Variants in KCMF1 observed in about 807,000 individuals in gnomAD.
The protein encoded by KCMF1 is E3 ubiquitin-protein ligase KCMF1.
In KCMF1, 3 loss-of-function variants were observed where a neutral mutation model predicts 41.1. The observed-to-expected ratio is 0.07, with a 90% CI of 0.03 to 0.19. The LOEUF (loss-of-function observed/expected upper bound fraction) is 0.19, where lower values mean the gene tolerates loss of function less well. Among genes scored for constraint, KCMF1 ranks in the 10% least tolerant of loss-of-function variants. KCMF1 has a pLI of 1.00. For missense variants in KCMF1, 286 were observed against 488.9 expected, an observed-to-expected ratio of 0.58 and a Z score of 3.91; for synonymous variants, 142 against 164.5, an observed-to-expected ratio of 0.86 and a Z score of 1.04.
rs199685963 is a variant in KCMF1 at position 85,021,620 on chromosome 2, A to AC, written c.17-6269_17-6268insC. ...CTGGGCAACAGAGCGAGACTGTCAC[A>AC]AAAAAAAAAAATCTTACTGCATCTG... On this transcript the variant is annotated intron_variant, in intron 1 of 6. Coordinates refer to ENST00000409785, the MANE Select transcript of KCMF1 (RefSeq NM_020122.5). 2.8e-3 allele frequency among the ~76,000 whole-genome samples: 347 copies of AC among 124,498 alleles called. 3 individuals are homozygous for AC. Among genetic ancestry groups the AC allele is most frequent in the African/African-American group, 0.01 (334 of 31,970 alleles). 81.7% of individuals were successfully genotyped at this position (124,498 alleles called of 152,430 possible). A position where few individuals can be genotyped will look rare whatever the true frequency, so the allele number is the denominator to read the frequency against.
chr2:85,002,556 A>G (rs913657573), intron 1 of KCMF1, among the ~76,000 whole-genome samples: 1 of 151,974 alleles, frequency 6.6e-6, no homozygotes, highest in Non-Finnish European at 1.5e-5. Flanking sequence ...AAACTAAGAA[A>G]CCAACACTAG....
chr2:85,028,529 G>A (rs910399681), intron 2 of KCMF1, among the ~76,000 whole-genome samples: 9 of 108,682 alleles, frequency 8.3e-5, no homozygotes, highest in Admixed American at 4.3e-4. Context: ...TTACCCTGTC[G>A]CCTAGGCTGG....
chr2:85,035,087 A>G lies in KCMF1; in HGVS notation c.256A>G (p.Met86Val), dbSNP rs1675374946. Residue 86 changes from methionine (M) to valine (V), a missense_variant, in exon 3 of 7, where the codon ATG (methionine) becomes GTG (valine). By Grantham distance (21) the Met-to-Val change is conservative. This residue lies in a region of KCMF1 where 95 missense variants were observed against 209.6 expected (regional missense o/e 0.45). Transcript: ENST00000409785. ...QSFTCPYCGK[M>V]GYTETSLQEH... is the part of the protein sequence containing the mutation. ...TTTTACTTGTCCCTATTGTGGAAAA[A>G]TGGGCTATACGGAGACATCTCTTCA... is the stretch of plus-strand genomic sequence containing the variant. The G allele has an allele frequency of 6.2e-7, 1 of 1,613,344 alleles. No individual in the cohort carries two copies. Among genetic ancestry groups the G allele is most frequent in the African/African-American group, 1.3e-5 (1 of 74,912 alleles).
rs912774509 is a variant in KCMF1, at chr2:85,015,016, C to T, written c.17-12873C>T. ...GTAGAAAACAAGTACTTGTTCAGGG[C>T]CTTCTTTTTCCCCCCTCTACTTTCA... On this transcript the variant is annotated intron_variant, in intron 1 of 6. Transcript: ENST00000409785. Among the ~76,000 whole-genome samples the T allele has an allele frequency of 5.3e-5, 8 of 151,936 alleles. No homozygotes were observed. The South Asian group carries it at 6.3e-4, about 12-fold the overall frequency.
At chr2:85,020,852 T>TA (rs1674915109) in intron 1 of KCMF1, among the ~76,000 whole-genome samples, 1 of 152,258 alleles carries the variant, frequency 6.6e-6, no homozygotes, top group Admixed American at 6.5e-5. Flanking sequence ...CCATAGCACT[T>TA]ACTTCCACCT....
At chr2:85,022,261 C>CA (rs1280895275) in intron 1 of KCMF1, among the ~76,000 whole-genome samples, 1 of 151,984 alleles carries the variant, frequency 6.6e-6, no homozygotes, top group African/African-American at 2.4e-5. Flanking sequence ...TGCTTGAGTC[C>CA]AGGAGTTTGA....
At chr2:85,045,382 G>C (rs1350350189) in intron 4 of KCMF1, among the ~76,000 whole-genome samples, 2 of 152,048 alleles carry the variant, frequency 1.3e-5, no homozygotes, top group African/African-American at 4.8e-5. Flanking sequence ...AAGGCCTCTT[G>C]GAGCTACCCA....
At chr2:85,028,825 T>C (rs1263194276) in intron 2 of KCMF1, among the ~76,000 whole-genome samples, 1 of 152,142 alleles carries the variant, frequency 6.6e-6, no homozygotes, top group Admixed American at 6.5e-5. Flanking sequence ...TCTGTTCATC[T>C]TAATCATAGT....
At chr2:85,006,787 G>A (rs1674481923) in intron 1 of KCMF1, among the ~76,000 whole-genome samples, 1 of 151,458 alleles carries the variant, frequency 6.6e-6, no homozygotes, top group East Asian at 1.9e-4. Flanking sequence ...TAAAACCAAC[G>A]TCCACACATC....
At position 85,055,279 on chromosome 2, in the gene KCMF1, C is replaced by A. The variant is rs866936941; in HGVS notation, c.*1870C>A. 4.7e-4 allele frequency: 72 copies of A among 152,274 alleles called. No individual in the cohort carries two copies. The highest frequency in any genetic ancestry group is 1.6e-3 in the African/African-American group (68 of 41,568). 9.4% of individuals were successfully genotyped at this position (152,274 alleles called of 1,614,324 possible). ...AATTTCTTTGGTGTTAGTGGATTAACCTAACCATTACTCTGAGATTTTATA... is the reference window on the plus strand; with the variant it reads ...AATTTCTTTGGTGTTAGTGGATTAAACTAACCATTACTCTGAGATTTTATA... On this transcript the variant is annotated 3_prime_UTR_variant, in exon 7 of 7. Transcript: ENST00000409785.
intron 1 of KCMF1, among the ~76,000 whole-genome samples, chr2:84,975,465 A>G (rs1285050496): frequency 1.3e-5 from 2 of 152,126 alleles, no homozygotes; most frequent in African/African-American, 4.8e-5. Context: ...CACCATGAGG[A>G]ATGGAAATAA....
chr2:85,056,086 C>T lies in KCMF1; in HGVS notation c.*2677C>T, dbSNP rs1222472503. ...TTTCTGTGGTTGGCTACCGTGAAAT[C>T]TTTGTATTTATATTGCATTGTTTTG... On this transcript the variant is annotated 3_prime_UTR_variant, in exon 7 of 7. Transcript: ENST00000409785. 2 of 150,900 alleles carry T rather than the reference C, an allele frequency of 1.3e-5. No homozygotes were observed. Among genetic ancestry groups the T allele is most frequent in the Non-Finnish European group, 2.9e-5 (2 of 67,868 alleles). 9.3% of individuals were successfully genotyped at this position (150,900 alleles called of 1,614,324 possible). A position where few individuals can be genotyped will look rare whatever the true frequency, so the allele number is the denominator to read the frequency against.
chr2:85,036,715 T>C (rs1675410366), intron 3 of KCMF1, among the ~76,000 whole-genome samples: 1 of 151,598 alleles, frequency 6.6e-6, no homozygotes, highest in Non-Finnish European at 1.5e-5. Flanking sequence ...TTGCTTGAGC[T>C]CAGGAGGTTG....
intron 2 of KCMF1, among the ~76,000 whole-genome samples, chr2:85,029,727 G>C (rs905049662): frequency 6.8e-6 from 1 of 146,184 alleles, no homozygotes; most frequent in African/African-American, 2.5e-5. Flanking sequence ...TGTCGCCTAG[G>C]CTGGAGTGCA....
intron 1 of KCMF1, among the ~76,000 whole-genome samples, chr2:84,980,396 A>G (rs1184416100): frequency 6.6e-6 from 1 of 152,124 alleles, no homozygotes; most frequent in Non-Finnish European, 1.5e-5. Flanking sequence ...GCCTGATGGA[A>G]TGTCTTGAGA....
chr2:85,029,113 G>A (rs1409089153), intron 2 of KCMF1, among the ~76,000 whole-genome samples: 3 of 152,066 alleles, frequency 2.0e-5, no homozygotes, highest in Non-Finnish European at 4.4e-5. Context: ...GAGACTACAG[G>A]TGTGTGCCAC....
intron 2 of KCMF1, among the ~76,000 whole-genome samples, chr2:85,031,596 A>G (rs1675269116): frequency 6.6e-6 from 1 of 152,220 alleles, no homozygotes; most frequent in Admixed American, 6.5e-5. Flanking sequence ...AATGTAGACT[A>G]GGCTAAGCTA....
At chr2:85,033,924 T>A (rs1675346888) in intron 2 of KCMF1, among the ~76,000 whole-genome samples, 1 of 151,870 alleles carries the variant, frequency 6.6e-6, no homozygotes. Flanking sequence ...GGCTCATGCC[T>A]GTAGTCCCAG....
At chr2:85,014,887 T>A (rs1343617756) in intron 1 of KCMF1, among the ~76,000 whole-genome samples, 1 of 151,708 alleles carries the variant, frequency 6.6e-6, no homozygotes, top group Non-Finnish European at 1.5e-5. Context: ...ACCACCCTAT[T>A]GCATGTTAAA....
Sources: gnomAD v4.1 joint callset for allele counts (sites outside exome capture counted in the v4.1 genomes callset) on GRCh38, gnomAD v4.1.1 for gene constraint, gnomAD v4.1.1 regional missense constraint, MANE v1.5 for transcripts, NCBI Gene and HGNC (gene_info 2026-07-23, HGNC 2026-07-21) for gene names.